ZNF536: variants seen among roughly 807,000 people sequenced by gnomAD.
ZNF536 encodes zinc finger protein 536.
ZNF536 carries 13 observed loss-of-function variants against 84.5 expected under a neutral mutation model. The observed-to-expected ratio is 0.15, with a 90% confidence interval of 0.10 to 0.24. The LOEUF is 0.24. Among genes scored for constraint, ZNF536 ranks in the 10% least tolerant of loss-of-function variants. The pLI is 1.00. For missense variants in ZNF536, 1,536 were observed against 1,747.5 expected, an observed-to-expected ratio of 0.88 and a Z score of 2.16; for synonymous variants, 811 against 742.5, an observed-to-expected ratio of 1.09 and a Z score of -1.50.
chr19:30,650,274 G>C (rs932618209), intron 1 of ZNF536, among the ~76,000 whole-genome samples: 4 of 152,184 alleles, frequency 2.6e-5, no homozygotes, highest in East Asian at 1.9e-4. Flanking sequence ...GTGGTGGTGA[G>C]AGCCCTGACC....
intron 1 of ZNF536, among the ~76,000 whole-genome samples, chr19:30,615,700 A>C (rs1242939009): frequency 6.6e-6 from 1 of 152,146 alleles, no homozygotes; most frequent in East Asian, 1.9e-4. Context: ...AAAAAGCTAC[A>C]TTAAGTTTAT....
At chr19:30,254,210 T>G (rs1235113855) in intron 1 of ZNF536, among the ~76,000 whole-genome samples, 2 of 152,200 alleles carry the variant, frequency 1.3e-5, no homozygotes, top group Non-Finnish European at 2.9e-5. Context: ...CATTGTCTCC[T>G]GGGTAAAGAC....
At chr19:30,573,311 T>C (rs1025919497) in intron 1 of ZNF536, among the ~76,000 whole-genome samples, 1 of 152,172 alleles carries the variant, frequency 6.6e-6, no homozygotes, top group Non-Finnish European at 1.5e-5. Flanking sequence ...AGTAATAGTT[T>C]GTGGTAGTGA....
At chr19:30,446,248 C>CAA (rs1177505634) in intron 2 of ZNF536, among the ~76,000 whole-genome samples, 2,729 of 29,098 alleles carry the variant, frequency 0.094, 659 homozygotes, top group African/African-American at 0.21. Context: ...GACACTGTCT[C>CAA]AAAAAAAAAA....
At chr19:30,616,840 G>T (rs2048313042) in intron 1 of ZNF536, among the ~76,000 whole-genome samples, 1 of 152,018 alleles carries the variant, frequency 6.6e-6, no homozygotes, top group South Asian at 2.1e-4. Flanking sequence ...CATGGTCCTT[G>T]CCCTGTTTAA....
chr19:30,674,366 G>A (rs920171074), intron 1 of ZNF536, among the ~76,000 whole-genome samples: 2 of 152,240 alleles, frequency 1.3e-5, no homozygotes, highest in East Asian at 1.9e-4. Flanking sequence ...AGGTGAAAGA[G>A]GATGCTGTTC....
At chr19:30,700,209 T>C (rs1455492939) in intron 1 of ZNF536, among the ~76,000 whole-genome samples, 19 of 122,288 alleles carry the variant, frequency 1.6e-4, no homozygotes, top group African/African-American at 5.7e-4. Context: ...TCCTTCTTTC[T>C]TTCCTTCTTT....
At chr19:30,682,850 T>C (rs2051031372) in intron 1 of ZNF536, among the ~76,000 whole-genome samples, 1 of 152,196 alleles carries the variant, frequency 6.6e-6, no homozygotes, top group Non-Finnish European at 1.5e-5. Flanking sequence ...AGCACCCTCC[T>C]GAATGCCATG....
chr19:30,392,800 C>A (rs928117229), intron 1 of ZNF536, among the ~76,000 whole-genome samples: 1 of 152,190 alleles, frequency 6.6e-6, no homozygotes, highest in Non-Finnish European at 1.5e-5. Flanking sequence ...CAGTAATTAA[C>A]TGTTTTTTCT....
intron 2 of ZNF536, among the ~76,000 whole-genome samples, chr19:30,528,440 G>A (rs545444253): frequency 6.6e-6 from 1 of 152,214 alleles, no homozygotes; most frequent in African/African-American, 2.4e-5. Context: ...GGACTCCCTG[G>A]AAGATTGGAT....
At chr19:30,401,528 C>A (rs1413774751) in intron 1 of ZNF536, among the ~76,000 whole-genome samples, 1 of 152,192 alleles carries the variant, frequency 6.6e-6, no homozygotes, top group Non-Finnish European at 1.5e-5. Flanking sequence ...ACCACATTCC[C>A]CAGACACTAC....
intron 1 of ZNF536, among the ~76,000 whole-genome samples, chr19:30,252,376 C>T (rs1024885943): frequency 6.6e-6 from 1 of 152,180 alleles, no homozygotes; most frequent in Non-Finnish European, 1.5e-5. Flanking sequence ...GGACCGCACT[C>T]CTAGTCTCCC....
At chr19:30,644,841 T>A (rs2147375382) in intron 1 of ZNF536, among the ~76,000 whole-genome samples, 1 of 152,336 alleles carries the variant, frequency 6.6e-6, no homozygotes, top group Middle Eastern at 3.4e-3. Flanking sequence ...TGTGCATGTG[T>A]TTTTATAGCA....
chr19:30,488,024 C>A (rs939907067), intron 2 of ZNF536, among the ~76,000 whole-genome samples: 1 of 152,082 alleles, frequency 6.6e-6, no homozygotes, highest in Admixed American at 6.5e-5. Flanking sequence ...TATTACCCAG[C>A]TCATTTAGGG....
At chr19:30,405,416 G>A (rs146011977) in intron 1 of ZNF536, among the ~76,000 whole-genome samples, 12 of 152,250 alleles carry the variant, frequency 7.9e-5, no homozygotes, top group South Asian at 2.1e-4. Flanking sequence ...TAATAACACC[G>A]CACTGCTACT....
intron 2 of ZNF536, among the ~76,000 whole-genome samples, chr19:30,511,701 T>C (rs2055420794): frequency 1.3e-5 from 2 of 152,220 alleles, no homozygotes; most frequent in African/African-American, 4.8e-5. Context: ...TTAAATATAA[T>C]TAATTTAGCA....
chr19:30,480,494 A>G (rs2054031593), intron 2 of ZNF536, among the ~76,000 whole-genome samples: 2 of 152,256 alleles, frequency 1.3e-5, no homozygotes, highest in South Asian at 4.2e-4. Flanking sequence ...TGGGAGTTGA[A>G]CAATGAGAAC....
chr19:30,401,936 CTG>C, intron 1 of ZNF536, among the ~76,000 whole-genome samples: 1 of 152,318 alleles, frequency 6.6e-6, no homozygotes, highest in Middle Eastern at 3.4e-3. Flanking sequence ...TAAATAAAGA[CTG>C]TGAAATGTGC....
intron 2 of ZNF536, among the ~76,000 whole-genome samples, chr19:30,507,592 T>C (rs2055226403): frequency 2.0e-5 from 3 of 152,126 alleles, no homozygotes; most frequent in South Asian, 4.2e-4. Flanking sequence ...AGTTTTAAGG[T>C]GTAAAGAATA....
Sources: gnomAD v4.1 joint callset for allele counts (sites outside exome capture counted in the v4.1 genomes callset) on GRCh38, gnomAD v4.1.1 for gene constraint, MANE v1.5 for transcripts, NCBI Gene and HGNC (gene_info 2026-07-23, HGNC 2026-07-21) for gene names.